Variants in CSMD3 observed in about 807,000 individuals in gnomAD.
The protein encoded by CSMD3 is CUB and sushi domain-containing protein 3.
CSMD3 carries 177 observed loss-of-function variants against 435.2 expected under a neutral mutation model. The observed-to-expected ratio is 0.41, with a 90% CI of 0.36 to 0.46. The LOEUF is 0.46. Ranked by LOEUF, CSMD3 falls within the 20% of genes least tolerant of loss-of-function variation. The pLI, the probability that CSMD3 is intolerant of heterozygous loss-of-function variation, is 0.34. For missense variants in CSMD3, 4,265 were observed against 4,504.6 expected (o/e 0.95, Z 1.52); for synonymous variants, 1,656 against 1,520.5 (o/e 1.09, Z -2.07).
intron 9 of CSMD3, among the ~76,000 whole-genome samples, chr8:112,946,562 T>A (rs1262169779): frequency 6.6e-6 from 1 of 151,668 alleles, no homozygotes; most frequent in Non-Finnish European, 1.5e-5. Context: ...TAAGATTGTA[T>A]AAGAAATAAA....
At chr8:112,324,463 G>A (rs969700880) in intron 45 of CSMD3, among the ~76,000 whole-genome samples, 4 of 152,002 alleles carry the variant, frequency 2.6e-5, no homozygotes, top group African/African-American at 7.2e-5. Flanking sequence ...ACCATAATAG[G>A]TGCTGGAAAT....
chr8:112,625,430 A>G (rs1834398464), intron 22 of CSMD3, among the ~76,000 whole-genome samples: 1 of 152,124 alleles, frequency 6.6e-6, no homozygotes, highest in African/African-American at 2.4e-5. Context: ...CTTTTAGAAA[A>G]TAGTGATCAG....
intron 4 of CSMD3, among the ~76,000 whole-genome samples, chr8:113,145,073 T>C (rs2091641689): frequency 6.6e-6 from 1 of 151,332 alleles, no homozygotes; most frequent in Non-Finnish European, 1.5e-5. Flanking sequence ...GGAATAGAAG[T>C]GTCTGTGTGC....
chr8:112,966,271 G>A (rs907130426), intron 7 of CSMD3, among the ~76,000 whole-genome samples: 2 of 151,460 alleles, frequency 1.3e-5, no homozygotes, highest in African/African-American at 4.8e-5. Context: ...TCTATTATTA[G>A]TTATGCTTTA....
intron 14 of CSMD3, among the ~76,000 whole-genome samples, chr8:112,689,629 T>C (rs1192222578): frequency 6.6e-6 from 1 of 152,024 alleles, no homozygotes; most frequent in Non-Finnish European, 1.5e-5. Context: ...AAATAAAATG[T>C]TGTAAGAACA....
chr8:112,622,457 C>T (rs542522462), intron 22 of CSMD3, among the ~76,000 whole-genome samples: 1 of 152,138 alleles, frequency 6.6e-6, no homozygotes, highest in Non-Finnish European at 1.5e-5. Flanking sequence ...TAATGGATGT[C>T]CATCACTTTT....
chr8:112,524,807 G>A (rs904833218), intron 27 of CSMD3, among the ~76,000 whole-genome samples: 2 of 151,776 alleles, frequency 1.3e-5, no homozygotes, highest in Non-Finnish European at 2.9e-5. Flanking sequence ...TGACATCTGT[G>A]TACAAAAAGC....
intron 59 of CSMD3, 79 bp downstream of exon 59, chr8:112,281,095 C>A: frequency 8.9e-7 from 1 of 1,117,748 alleles, no homozygotes; most frequent in Admixed American, 1.8e-5. Flanking sequence ...TTATTAATTA[C>A]AAAACACACA....
chr8:112,897,293 T>C (rs1423726835), intron 10 of CSMD3, among the ~76,000 whole-genome samples: 1 of 151,406 alleles, frequency 6.6e-6, no homozygotes, highest in Non-Finnish European at 1.5e-5. Context: ...TTTGTCAATG[T>C]TTTATTCCCA....
chr8:112,282,870 C>A (rs1392323688), intron 58 of CSMD3, among the ~76,000 whole-genome samples: 2 of 152,024 alleles, frequency 1.3e-5, no homozygotes, highest in Non-Finnish European at 2.9e-5. Context: ...TGTGAATAAA[C>A]CTGCATTTAC....
Position 112,997,856 on chromosome 8 carries a change from ATG to A in CSMD3, c.1030+21209_1030+21210del, listed in dbSNP as rs958748819. The stretch of plus-strand genomic sequence containing the variant: ...AATATACGTATGTATGTACATGTAT[ATG>A]TGTGTATATATATATATATATACAT... On this transcript the variant is annotated intron_variant, in intron 6 of 70. Transcript: ENST00000297405. Among the ~76,000 whole-genome samples the A allele has an allele frequency of 3.6e-5, 3 of 83,674 alleles. No individual in the cohort carries two copies. The Admixed American group carries it at 3.7e-4, about 10-fold the overall frequency. 54.9% of individuals were successfully genotyped at this position (83,674 alleles called of 152,430 possible).
In CSMD3 at chr8:112,533,834, A is replaced by G. The variant is rs1265185705; in HGVS notation, c.4565-16609T>C. Among the ~76,000 whole-genome samples, 4 of 152,114 alleles carry G rather than the reference A, an allele frequency of 2.6e-5. No individual in the cohort carries two copies. The East Asian group carries it at 7.7e-4, about 29-fold the overall frequency. Reference sequence around the variant, plus strand: ...CAGAGTATACATACTTCTCATTAGCACCAGGAACATTCTCTGAGATAGAGC... The same window carrying G: ...CAGAGTATACATACTTCTCATTAGCGCCAGGAACATTCTCTGAGATAGAGC... On this transcript the variant is annotated intron_variant, in intron 27 of 70. Coordinates refer to ENST00000297405, the MANE Select transcript of CSMD3 (RefSeq NM_198123.2).
In CSMD3 at chr8:112,326,649, T is replaced by C. The variant is rs188036537; in HGVS notation, c.7166-6668A>G. Among the ~76,000 whole-genome samples the C allele has an allele frequency of 6.1e-4, 93 of 152,298 alleles. 1 individual carries two copies. Among genetic ancestry groups the C allele is most frequent in the Admixed American group, 1.5e-3 (23 of 15,296 alleles). On this transcript the variant is annotated intron_variant, in intron 45 of 70. Coordinates refer to ENST00000297405, the MANE Select transcript of CSMD3 (RefSeq NM_198123.2). ...CAATCTGACGTGACCTTCCTCACAA[T>C]GGGTCATTCAAAGCACCCACGTGAC...
intron 32 of CSMD3, among the ~76,000 whole-genome samples, chr8:112,432,423 C>G (rs1465832394): frequency 6.6e-6 from 1 of 152,142 alleles, no homozygotes; most frequent in Non-Finnish European, 1.5e-5. Context: ...CCTGCCTCAG[C>G]CTCCTAAGTG....
chr8:113,116,198 T>C (rs1282676551), intron 4 of CSMD3, among the ~76,000 whole-genome samples: 2 of 152,220 alleles, frequency 1.3e-5, no homozygotes, highest in East Asian at 1.9e-4. Flanking sequence ...CAATCTCATC[T>C]TGAATTGTAG....
At chr8:112,558,936 T>G (rs1336617165) in intron 24 of CSMD3, among the ~76,000 whole-genome samples, 1 of 151,928 alleles carries the variant, frequency 6.6e-6, no homozygotes, top group Admixed American at 6.6e-5. Flanking sequence ...CTAATCAGCT[T>G]GATGAACTCT....
intron 3 of CSMD3, among the ~76,000 whole-genome samples, chr8:113,259,051 G>A (rs896559909): frequency 2.0e-5 from 3 of 152,100 alleles, no homozygotes; most frequent in African/African-American, 7.2e-5. Flanking sequence ...TTGGAATTCA[G>A]GAAAGATATC....
At chr8:112,762,099 T>C (rs2077853045) in intron 13 of CSMD3, among the ~76,000 whole-genome samples, 1 of 152,036 alleles carries the variant, frequency 6.6e-6, no homozygotes, top group Admixed American at 6.6e-5. Context: ...CACCACCAGA[T>C]GGCATTCTTG....
At chr8:113,356,299 G>A (rs1434990438) in intron 1 of CSMD3, among the ~76,000 whole-genome samples, 2 of 152,072 alleles carry the variant, frequency 1.3e-5, no homozygotes, top group African/African-American at 4.8e-5. Context: ...AATGACCACA[G>A]AGGAGGAAAA....
Sources: allele counts gnomAD v4.1 joint callset (sites outside exome capture counted in the v4.1 genomes callset), GRCh38; gene constraint gnomAD v4.1.1; transcripts MANE v1.5; gene names NCBI Gene and HGNC (gene_info 2026-07-23, HGNC 2026-07-21).